SPAG16: variants seen among roughly 807,000 people sequenced by gnomAD.
The protein encoded by SPAG16 is sperm-associated antigen 16 protein.
A neutral mutation model predicts 80.4 loss-of-function variants in SPAG16; 86 were observed. That is an observed-to-expected ratio of 1.07 (90% CI 0.90 to 1.28). The LOEUF (loss-of-function observed/expected upper bound fraction) is 1.28, where lower values mean the gene tolerates loss of function less well. Ranked by LOEUF, SPAG16 falls within the 50% of genes most tolerant of loss-of-function variation. The pLI is 0.00. For missense variants in SPAG16, 870 were observed against 765.3 expected (o/e 1.14, Z -1.61); for synonymous variants, 294 against 265.9 (o/e 1.11, Z -1.03).
chr2:214,167,616 T>A (rs1287676090), intron 15 of SPAG16, among the ~76,000 whole-genome samples: 1 of 152,108 alleles, frequency 6.6e-6, no homozygotes, highest in Non-Finnish European at 1.5e-5. Context: ...GGAGGCAATA[T>A]TTTTTTAAAT....
chr2:213,435,284 CAG>C (rs945479030), intron 9 of SPAG16, among the ~76,000 whole-genome samples: 6 of 152,046 alleles, frequency 3.9e-5, no homozygotes, highest in African/African-American at 7.2e-5. Flanking sequence ...AATGCAGAAA[CAG>C]AAAGTCAAAT....
At chr2:213,544,947 G>C (rs988686645) in intron 10 of SPAG16, among the ~76,000 whole-genome samples, 1 of 152,134 alleles carries the variant, frequency 6.6e-6, no homozygotes, top group Non-Finnish European at 1.5e-5. Context: ...TTGCTTCCAA[G>C]TGTTGAAAAT....
intron 10 of SPAG16, among the ~76,000 whole-genome samples, chr2:213,734,825 G>A (rs934395150): frequency 6.6e-6 from 1 of 151,964 alleles, no homozygotes; most frequent in African/African-American, 2.4e-5. Context: ...TTGAAAAGTA[G>A]CATATCCAAT....
rs529305572 is a variant in SPAG16, at chr2:214,038,112, CTG to C, written c.1527+24039_1527+24040del. On this transcript the variant is annotated intron_variant, in intron 13 of 15. Transcript: ENST00000331683. ...TTTTATGTAATAATTATCATGTGTACTGTGTTATATTTGCTGTGTTTCTCTAT... is the reference window on the plus strand; with the variant it reads ...TTTTATGTAATAATTATCATGTGTACTGTTATATTTGCTGTGTTTCTCTAT... Among the ~76,000 whole-genome samples, 217 of 152,084 alleles carry C rather than the reference CTG, an allele frequency of 1.4e-3. 1 individual carries two copies. Among genetic ancestry groups the C allele is most frequent in the African/African-American group, 5.1e-3 (211 of 41,492 alleles).
intron 10 of SPAG16, among the ~76,000 whole-genome samples, chr2:213,766,537 C>G (rs2068948060): frequency 6.6e-6 from 1 of 152,134 alleles, no homozygotes; most frequent in Non-Finnish European, 1.5e-5. Flanking sequence ...GAAAGTTAAG[C>G]CTTTAATCAC....
chr2:214,236,212 C>CTAG (rs1219189894), intron 15 of SPAG16, among the ~76,000 whole-genome samples: 1 of 152,124 alleles, frequency 6.6e-6, no homozygotes, highest in East Asian at 1.9e-4. Flanking sequence ...ACTGCTACAT[C>CTAG]TAGTGAGCAT....
At chr2:213,541,330 C>T (rs1179629091) in intron 10 of SPAG16, among the ~76,000 whole-genome samples, 1 of 152,046 alleles carries the variant, frequency 6.6e-6, no homozygotes, top group Non-Finnish European at 1.5e-5. Flanking sequence ...GCTCTTGAAA[C>T]ATCTTGGGCC....
chr2:213,573,869 A>C (rs2060017900), intron 10 of SPAG16, among the ~76,000 whole-genome samples: 1 of 152,176 alleles, frequency 6.6e-6, no homozygotes, highest in African/African-American at 2.4e-5. Flanking sequence ...AAGCTCTTAA[A>C]GTTTAGGGCA....
chr2:213,810,518 C>T (rs2072066218), intron 10 of SPAG16, among the ~76,000 whole-genome samples: 1 of 152,118 alleles, frequency 6.6e-6, no homozygotes, highest in Non-Finnish European at 1.5e-5. Context: ...CCTCTTCCAC[C>T]ATATCCAAGT....
intron 11 of SPAG16, among the ~76,000 whole-genome samples, chr2:213,874,233 A>C (rs2076057112): frequency 6.6e-6 from 1 of 152,088 alleles, no homozygotes; most frequent in Non-Finnish European, 1.5e-5. Flanking sequence ...GGCTATACTG[A>C]ATTTGTTTTA....
At chr2:214,163,975 A>G (rs1032995066) in intron 15 of SPAG16, among the ~76,000 whole-genome samples, 4 of 152,086 alleles carry the variant, frequency 2.6e-5, no homozygotes, top group South Asian at 2.1e-4. Context: ...GTACAGCATT[A>G]TCTACACTAG....
intron 1 of SPAG16, among the ~76,000 whole-genome samples, chr2:213,290,335 C>A (rs2062220885): frequency 6.6e-6 from 1 of 152,134 alleles, no homozygotes. Context: ...AAATACAGAA[C>A]CTGGCCTGGA....
rs112404899 is a variant in SPAG16 at position 213,544,858 on chromosome 2, T to C, written c.1070+54768T>C. ...TTTCTTTTTGAGACTTGATAGCTCA[T>C]TTGTTTTTAATGTTGAATGATATTC... is the stretch of plus-strand genomic sequence containing the variant. On this transcript the variant is annotated intron_variant, in intron 10 of 15. Coordinates refer to ENST00000331683, the MANE Select transcript of SPAG16 (RefSeq NM_024532.5). Among the ~76,000 whole-genome samples the C allele has an allele frequency of 4.5e-3, 686 of 152,252 alleles. 3 individuals carry two copies. Among genetic ancestry groups the C allele is most frequent in the Middle Eastern group, 0.01 (3 of 294 alleles).
At chr2:214,134,947 C>G (rs140686597) in intron 14 of SPAG16, among the ~76,000 whole-genome samples, 1 of 152,088 alleles carries the variant, frequency 6.6e-6, no homozygotes, top group Non-Finnish European at 1.5e-5. Context: ...GACATTGTGC[C>G]GTTTTCGATA....
intron 13 of SPAG16, among the ~76,000 whole-genome samples, chr2:214,034,362 C>T (rs145513798): frequency 1.1e-4 from 17 of 152,292 alleles, no homozygotes; most frequent in Non-Finnish European, 1.3e-4. Context: ...ATGTGTTCTC[C>T]AGATTTCACC....
At chr2:214,191,713 C>CAAAAAAAAAAAAA (rs71037350) in intron 15 of SPAG16, among the ~76,000 whole-genome samples, 1 of 68,816 alleles carries the variant, frequency 1.5e-5, no homozygotes, top group Non-Finnish European at 2.3e-5. Context: ...GACTCTGTCT[C>CAAAAAAAAAAAAA]AAAAAAAAAA....
At chr2:213,885,526 G>T (rs1334759423) in intron 11 of SPAG16, among the ~76,000 whole-genome samples, 1 of 152,080 alleles carries the variant, frequency 6.6e-6, no homozygotes, top group East Asian at 1.9e-4. Context: ...GTTACAGTTG[G>T]TGTTCTTTTC....
chr2:213,506,951 G>A (rs2074993370), intron 10 of SPAG16, among the ~76,000 whole-genome samples: 1 of 152,098 alleles, frequency 6.6e-6, no homozygotes, highest in Non-Finnish European at 1.5e-5. Flanking sequence ...ATGCTCTCTA[G>A]GAAAAGAGAC....
chr2:213,426,346 A>G (rs1336316407), intron 9 of SPAG16, among the ~76,000 whole-genome samples: 1 of 151,970 alleles, frequency 6.6e-6, no homozygotes, highest in African/African-American at 2.4e-5. Context: ...AACGATTCTC[A>G]TTTGAGATTA....
Sources: allele counts gnomAD v4.1 joint callset (sites outside exome capture counted in the v4.1 genomes callset), GRCh38; gene constraint gnomAD v4.1.1; transcripts MANE v1.5; gene names NCBI Gene and HGNC (gene_info 2026-07-23, HGNC 2026-07-21).